The following SCN7A variants were observed in gnomAD, a reference collection of about 807,000 sequenced individuals.
SCN7A encodes sodium channel protein type 7 subunit alpha.
SCN7A carries 138 observed loss-of-function variants against 155.2 expected under a neutral mutation model. The observed-to-expected ratio is 0.89, with a 90% CI of 0.77 to 1.02. The LOEUF is 1.02. Among genes scored for constraint, SCN7A ranks in the 50% least tolerant of loss-of-function variants. The pLI, the probability that SCN7A is intolerant of heterozygous loss-of-function variation, is 0.00. For synonymous variants in SCN7A, 693 were observed against 649.0 expected, an observed-to-expected ratio of 1.07 and a Z score of -1.03; for missense variants, 2,058 against 1,986.6, an observed-to-expected ratio of 1.04 and a Z score of -0.68.
intron 1 of SCN7A, among the ~76,000 whole-genome samples, chr2:166,492,470 T>C (rs1683134987): frequency 6.6e-6 from 1 of 152,206 alleles, no homozygotes. Context: ...GAAACAGGAC[T>C]ACAGACCTAA....
At chr2:166,478,299 TA>T (rs1378312412) in intron 2 of SCN7A, among the ~76,000 whole-genome samples, 3 of 149,402 alleles carry the variant, frequency 2.0e-5, no homozygotes, top group Non-Finnish European at 4.5e-5. Context: ...TAAAGTATAA[TA>T]AAAAATATAT....
intron 3 of SCN7A, among the ~76,000 whole-genome samples, chr2:166,476,427 T>C (rs1422380184): frequency 6.6e-6 from 1 of 152,026 alleles, no homozygotes; most frequent in Non-Finnish European, 1.5e-5. Flanking sequence ...ATATTCTTTC[T>C]AGTTATTTCA....
chr2:166,415,007 T>A (rs1192833539), intron 21 of SCN7A, among the ~76,000 whole-genome samples: 2 of 132,568 alleles, frequency 1.5e-5, no homozygotes, highest in East Asian at 4.2e-4. Flanking sequence ...TAATATATAA[T>A]ATATATTATT....
intron 11 of SCN7A, 55 bp downstream of exon 11, chr2:166,456,814 AT>A: frequency 2.2e-6 from 1 of 447,072 alleles, no homozygotes. Context: ...ATATATATAT[AT>A]ATATATATAT....
At chr2:166,488,045 C>T (rs1018273988) in intron 1 of SCN7A, among the ~76,000 whole-genome samples, 4 of 152,100 alleles carry the variant, frequency 2.6e-5, no homozygotes, top group Admixed American at 6.5e-5. Context: ...AAGGTACCAT[C>T]GGCATAAGCA....
Position 166,406,186 on chromosome 2 carries a change from G to A in SCN7A, c.4443C>T (p.Leu1481=), listed in dbSNP as rs775385109. Residue 1481 remains leucine, a synonymous_variant, in exon 26 of 26, where the codon CTC becomes CTT. Transcript: ENST00000643258. ...TATTTACAATGATCAGCCATGATATGAGGATATAACTGACAAAATAAAAAA... is the reference window on the plus strand; with the variant it reads ...TATTTACAATGATCAGCCATGATATAAGGATATAACTGACAAAATAAAAAA... ...VGIFYFVSYI[L]ISWLIIVNMY... is the part of the protein sequence containing the mutation. 29 of 1,612,548 alleles carry A rather than the reference G, an allele frequency of 1.8e-5. No homozygotes were observed. In the Admixed American group the frequency reaches 3.7e-4, roughly 20 times the overall value.
At chr2:166,409,963 G>A in intron 24 of SCN7A, 28 bp from the exon 25 acceptor site, 1 of 1,515,530 alleles carries the variant, frequency 6.6e-7, no homozygotes, top group Non-Finnish European at 8.9e-7. Flanking sequence ...AGGTGTAATA[G>A]TCTTATTAAT....
chr2:166,482,726 A>C (rs1269205644), intron 2 of SCN7A, among the ~76,000 whole-genome samples: 1 of 146,892 alleles, frequency 6.8e-6, no homozygotes, highest in Non-Finnish European at 1.5e-5. Flanking sequence ...TGAATGAATG[A>C]ATGAATAGAC....
At chr2:166,436,932 G>A (rs1260685053) in intron 15 of SCN7A, among the ~76,000 whole-genome samples, 3 of 152,172 alleles carry the variant, frequency 2.0e-5, no homozygotes, top group African/African-American at 7.2e-5. Flanking sequence ...TGTTCAAGAA[G>A]CAGAGCATAA....
Position 166,477,642 on chromosome 2 carries a change from C to T in SCN7A, c.55G>A (p.Glu19Lys), listed in dbSNP as rs1702830322. The change falls in exon 3 of 26, where the codon GAA becomes AAA. Residue 19 changes from glutamate (E) to lysine (K), a missense_variant. Glu to Lys is a moderately conservative substitution (Grantham distance 56). Transcript: ENST00000643258. Reference sequence around the variant, plus strand: ...TTAGCAATATGCTGTTTTATAAGTTCAAAAGACTCTTTAGTGAAGGGAACA... The same window carrying T: ...TTAGCAATATGCTGTTTTATAAGTTTAAAAGACTCTTTAGTGAAGGGAACA... ...GLVPFTKESF[E>K]LIKQHIAKTH... 1.6e-5 allele frequency: 25 copies of T among 1,606,470 alleles called. No individual in the cohort carries two copies. Among genetic ancestry groups the T allele is most frequent in the Non-Finnish European group, 2.1e-5 (25 of 1,176,064 alleles).
At chr2:166,442,725 A>AG (rs1030993674) in intron 14 of SCN7A, among the ~76,000 whole-genome samples, 3 of 152,128 alleles carry the variant, frequency 2.0e-5, no homozygotes, top group African/African-American at 7.2e-5. Context: ...GTCTATTACT[A>AG]GCCTTTAAAA....
rs757364700 is a variant in SCN7A, at chr2:166,427,808, G to C, written c.2833C>G (p.Leu945Val). The change falls in exon 18 of 26, where the codon CTG becomes GTG. Residue 945 changes from leucine to valine, a missense_variant. By Grantham distance (32) the Leu-to-Val change is conservative. Transcript: ENST00000643258. ...CTTACCAGAGTGCCAGTGCTGAGCA[G>C]AGTAACAAGCCCAATAAAACACTTA... Reference protein sequence around the residue: ...WFKCFIGLVTLLSTGTLAFED... With the variant: ...WFKCFIGLVTVLSTGTLAFED... 9.1e-5 allele frequency: 146 copies of C among 1,611,002 alleles called. No individual in the cohort carries two copies. Among genetic ancestry groups the C allele is most frequent in the Non-Finnish European group, 1.2e-4 (142 of 1,178,578 alleles).
intron 2 of SCN7A, among the ~76,000 whole-genome samples, chr2:166,479,467 T>C (rs1172002750): frequency 6.6e-6 from 1 of 152,174 alleles, no homozygotes; most frequent in Middle Eastern, 3.4e-3. Context: ...AAATGAGAAG[T>C]AAAGATGAAA....
chr2:166,487,704 T>C (rs1703083529), intron 1 of SCN7A, among the ~76,000 whole-genome samples: 1 of 152,182 alleles, frequency 6.6e-6, no homozygotes, highest in Admixed American at 6.5e-5. Context: ...ATATTAAATA[T>C]ATATTCCTAA....
chr2:166,466,778 T>TAA (rs1339062652), intron 7 of SCN7A, among the ~76,000 whole-genome samples: 15 of 152,124 alleles, frequency 9.9e-5, no homozygotes, highest in Admixed American at 9.2e-4. Context: ...GAGAATATAC[T>TAA]AACTCTGTGA....
At chr2:166,446,332 G>A (rs888925105) in intron 12 of SCN7A, among the ~76,000 whole-genome samples, 7 of 152,172 alleles carry the variant, frequency 4.6e-5, no homozygotes, top group Non-Finnish European at 7.4e-5. Flanking sequence ...ACCATTTCAC[G>A]CCTGTTAGAA....
At position 166,458,103 on chromosome 2, in the gene SCN7A, G is replaced by C. The variant is rs1386435720; in HGVS notation, c.1084-1027C>G. Among the ~76,000 whole-genome samples the C allele has an allele frequency of 3.9e-5, 6 of 152,178 alleles. No individual in the cohort carries two copies. In the East Asian group the frequency reaches 1.2e-3, roughly 29 times the overall value. On this transcript the variant is annotated intron_variant, in intron 10 of 25. Transcript: ENST00000643258. ...ACCACTGAAGTACCTGTTATTTATTGTAGTGCATTCAGCAGTCAGGAATAG... is the reference window on the plus strand; with the variant it reads ...ACCACTGAAGTACCTGTTATTTATTCTAGTGCATTCAGCAGTCAGGAATAG...
chr2:166,490,088 T>C (rs1683051300), intron 1 of SCN7A, among the ~76,000 whole-genome samples: 1 of 152,112 alleles, frequency 6.6e-6, no homozygotes, highest in Admixed American at 6.6e-5. Context: ...CTCACAGACT[T>C]ATTTCTTTGT....
At chr2:166,410,185 C>T in intron 24 of SCN7A, 35 bp downstream of exon 24, 2 of 1,408,424 alleles carry the variant, frequency 1.4e-6, no homozygotes, top group Non-Finnish European at 9.7e-7. Flanking sequence ...AGAACACCTC[C>T]ATTGAAGTTT....
Sources: gnomAD v4.1 joint callset for allele counts (sites outside exome capture counted in the v4.1 genomes callset) on GRCh38, gnomAD v4.1.1 for gene constraint, MANE v1.5 for transcripts, NCBI Gene and HGNC (gene_info 2026-07-23, HGNC 2026-07-21) for gene names.